PTPRO: variants seen among roughly 807,000 people sequenced by gnomAD.
PTPRO encodes the protein receptor-type tyrosine-protein phosphatase O.
In PTPRO, 62 loss-of-function variants were observed where a neutral mutation model predicts 145.2. The observed-to-expected ratio is 0.43, with a 90% CI of 0.35 to 0.53. PTPRO has a LOEUF of 0.53. Among genes scored for constraint, PTPRO ranks in the 20% least tolerant of loss-of-function variants. The pLI, the probability that PTPRO is intolerant of heterozygous loss-of-function variation, is 0.01. For missense variants in PTPRO, 1,345 were observed against 1,482.7 expected, an observed-to-expected ratio of 0.91 and a Z score of 1.53; for synonymous variants, 565 against 514.7, an observed-to-expected ratio of 1.10 and a Z score of -1.32.
chr12:15,479,618 C>T (rs1035612714), intron 1 of PTPRO, among the ~76,000 whole-genome samples: 10 of 152,306 alleles, frequency 6.6e-5, no homozygotes, highest in African/African-American at 2.4e-4. Context: ...ATTTGCTCTC[C>T]TAAAAGGAAC....
At chr12:15,389,719 C>T (rs573383893) in intron 1 of PTPRO, among the ~76,000 whole-genome samples, 3 of 152,288 alleles carry the variant, frequency 2.0e-5, no homozygotes, top group African/African-American at 7.2e-5. Context: ...GTGTTTAACT[C>T]CACATCTGAG....
chr12:15,400,047 G>GT (rs1435722805), intron 1 of PTPRO, among the ~76,000 whole-genome samples: 1 of 116,150 alleles, frequency 8.6e-6, no homozygotes, highest in Non-Finnish European at 1.7e-5. Context: ...CAAGACTCTT[G>GT]TCTCAAAAAA....
At position 15,586,931 on chromosome 12, in the gene PTPRO, A is replaced by G. The variant is rs1165954500; in HGVS notation, c.3290A>G (p.Tyr1097Cys). Residue 1097 changes from tyrosine to cysteine, a missense_variant, in exon 24 of 27, where the codon TAC becomes TGC. Physicochemically the swap from Tyr to Cys is radical, Grantham distance 194. This residue lies in a region of PTPRO where 208 missense variants were observed against 242.8 expected (regional missense o/e 0.86). Transcript: ENST00000281171. ...ATGCAGGATGTGATGCATTTTAACT[A>G]CACTGCATGGCCTGATCATGGTGTG... ...DEMQDVMHFN[Y>C]TAWPDHGVPT... 1 of 1,613,948 alleles carries G rather than the reference A, an allele frequency of 6.2e-7. No homozygotes were observed. The highest frequency in any genetic ancestry group is 2.2e-5 in the East Asian group (1 of 44,872).
chr12:15,580,791 A>G lies in PTPRO; in HGVS notation c.3092A>G (p.Gln1031Arg). 2.5e-6 allele frequency: 4 copies of G among 1,614,038 alleles called. No individual in the cohort carries two copies. The highest frequency in any genetic ancestry group is 3.4e-6 in the Non-Finnish European group (4 of 1,179,922). The change falls in exon 22 of 27, where the codon CAG becomes CGG. Residue 1031 changes from glutamine (Q) to arginine (R), a missense_variant. Physicochemically the swap from Gln to Arg is conservative, Grantham distance 43. Coordinates refer to ENST00000281171, the MANE Select transcript of PTPRO (RefSeq NM_030667.3). ...FWKMVLQQKS[Q>R]IIVMLTQCNE... is the part of the protein sequence containing the mutation. ...AAGATGGTCCTGCAACAAAAGTCTC[A>G]GATTATTGTCATGCTCACTCAGTGT...
At chr12:15,535,772 T>A (rs1943054522) in intron 12 of PTPRO, among the ~76,000 whole-genome samples, 1 of 152,256 alleles carries the variant, frequency 6.6e-6, no homozygotes, top group Non-Finnish European at 1.5e-5. Flanking sequence ...TCATACCCAC[T>A]TTTGTGACTT....
intron 1 of PTPRO, among the ~76,000 whole-genome samples, chr12:15,448,358 A>AAAAAAAAAAAAAAT (rs1940960429): frequency 6.7e-6 from 1 of 149,790 alleles, no homozygotes; most frequent in Non-Finnish European, 1.5e-5. Context: ...AAAAAAAAAA[A>AAAAAAAAAAAAAAT]AAGCACCGAT....
chr12:15,349,054 A>C (rs1168176232), intron 1 of PTPRO, among the ~76,000 whole-genome samples: 1 of 152,246 alleles, frequency 6.6e-6, no homozygotes, highest in Non-Finnish European at 1.5e-5. Flanking sequence ...ACCATAGAAT[A>C]GTCTGACCTG....
intron 1 of PTPRO, among the ~76,000 whole-genome samples, chr12:15,441,399 A>T (rs536781972): frequency 6.6e-5 from 10 of 152,304 alleles, no homozygotes; most frequent in African/African-American, 2.4e-4. Flanking sequence ...TACCTCAAAG[A>T]GTTAGAAAGA....
At chr12:15,528,780 A>G (rs2136533798) in intron 12 of PTPRO, among the ~76,000 whole-genome samples, 1 of 152,164 alleles carries the variant, frequency 6.6e-6, no homozygotes, top group East Asian at 1.9e-4. Context: ...GAAAGCATCA[A>G]GAGAAAAGGA....
chr12:15,589,391 A>C, intron 24 of PTPRO, 64 bp from the exon 25 acceptor site: 1 of 1,598,246 alleles, frequency 6.3e-7, no homozygotes, highest in East Asian at 2.2e-5. Context: ...AAAAAAAAAA[A>C]AGAGGGGGGA....
At chr12:15,500,436 G>T (rs755166924) in intron 4 of PTPRO, among the ~76,000 whole-genome samples, 2 of 152,154 alleles carry the variant, frequency 1.3e-5, no homozygotes. Context: ...CATTAATTGA[G>T]CACCTTCTAC....
At chr12:15,383,851 G>A (rs372170361) in intron 1 of PTPRO, among the ~76,000 whole-genome samples, 1 of 152,142 alleles carries the variant, frequency 6.6e-6, no homozygotes, top group Non-Finnish European at 1.5e-5. Flanking sequence ...GGAAAGAGAT[G>A]CTCTATAGAA....
At chr12:15,359,675 G>A (rs1938114841) in intron 1 of PTPRO, among the ~76,000 whole-genome samples, 1 of 152,018 alleles carries the variant, frequency 6.6e-6, no homozygotes, top group Non-Finnish European at 1.5e-5. Flanking sequence ...TGATCCACCT[G>A]CCTGGGCCTC....
rs1565675993 is a variant in PTPRO, at chr12:15,513,230, G to GAA, written c.1465-2266_1465-2265dup. On this transcript the variant is annotated intron_variant, in intron 7 of 26. Transcript: ENST00000281171. ...GAAAGAAAGAAAGAAAGAAAGAAAA[G>GAA]AAAGAAAGAGGGAGGGAGGGAGAGA... Among the ~76,000 whole-genome samples the GAA allele has an allele frequency of 4.9e-4, 53 of 107,612 alleles. 3 individuals are homozygous for GAA. Among genetic ancestry groups the GAA allele is most frequent in the Non-Finnish European group, 1.8e-5 (1 of 55,070 alleles). The allele number at this position is 107,612 out of a possible 152,430, so 70.6% of individuals were successfully genotyped here. A position where few individuals can be genotyped will look rare whatever the true frequency, so the allele number is the denominator to read the frequency against.
chr12:15,502,535 C>T (rs1282282874), intron 5 of PTPRO, among the ~76,000 whole-genome samples: 2 of 152,316 alleles, frequency 1.3e-5, no homozygotes, highest in East Asian at 1.9e-4. Flanking sequence ...ACCAGCCGCT[C>T]TTGTTCCCTT....
At chr12:15,404,585 T>C (rs1939596283) in intron 1 of PTPRO, among the ~76,000 whole-genome samples, 1 of 152,222 alleles carries the variant, frequency 6.6e-6, no homozygotes, top group South Asian at 2.1e-4. Flanking sequence ...GGGTACCCAA[T>C]GCTCTCCTTT....
At chr12:15,509,644 C>CCGAGAACGCA in intron 7 of PTPRO, among the ~76,000 whole-genome samples, 1 of 147,754 alleles carries the variant, frequency 6.8e-6, no homozygotes, top group South Asian at 2.2e-4. Flanking sequence ...TTGCAGTGAG[C>CCGAGAACGCA]CCACTGTACT....
At chr12:15,425,177 A>G in intron 1 of PTPRO, among the ~76,000 whole-genome samples, 1 of 152,080 alleles carries the variant, frequency 6.6e-6, no homozygotes, top group East Asian at 1.9e-4. Flanking sequence ...GTACTTTGCT[A>G]GTTTTGTTAT....
At chr12:15,499,187 G>T (rs1024871417) in intron 3 of PTPRO, among the ~76,000 whole-genome samples, 1 of 152,070 alleles carries the variant, frequency 6.6e-6, no homozygotes, top group Admixed American at 6.6e-5. Flanking sequence ...TACCCCAAAA[G>T]TTCCTATCAC....
Sources: allele counts gnomAD v4.1 joint callset (sites outside exome capture counted in the v4.1 genomes callset), GRCh38; gene constraint gnomAD v4.1.1; regional missense constraint gnomAD v4.1.1; transcripts MANE v1.5; gene names NCBI Gene and HGNC (gene_info 2026-07-23, HGNC 2026-07-21).